Variants in RBFOX3 observed in about 807,000 individuals in gnomAD.
RBFOX3 encodes the protein RNA binding fox-1 homolog 3.
A neutral mutation model predicts 48.7 loss-of-function variants in RBFOX3; 17 were observed. The ratio of observed to expected loss-of-function variants is 0.35; its 90% confidence interval spans 0.24 to 0.52. The LOEUF (loss-of-function observed/expected upper bound fraction) is 0.52. Among genes scored for constraint, RBFOX3 ranks in the 20% least tolerant of loss-of-function variants. The pLI, the probability that RBFOX3 is intolerant of heterozygous loss-of-function variation, is 0.94. For synonymous variants in RBFOX3, 212 were observed against 209.5 expected (o/e 1.01, Z -0.10); for missense variants, 382 against 497.5 (o/e 0.77, Z 2.21).
chr17:79,230,708 T>A (rs1378058451), intron 4 of RBFOX3, among the ~76,000 whole-genome samples: 1 of 152,136 alleles, frequency 6.6e-6, no homozygotes, highest in East Asian at 1.9e-4. Context: ...CAAAGGTGCC[T>A]GTCTCTACAC....
At chr17:79,633,597 TG>T in the RBFOX3 span, among the ~76,000 whole-genome samples, 4 of 150,384 alleles carry the variant, frequency 2.7e-5, no homozygotes, top group African/African-American at 1.0e-4. Context: ...CTCCAGCGGC[TG>T]TTTTTTTTTT....
At chr17:79,550,006 C>A (rs1331604920) in intron 1 of RBFOX3, among the ~76,000 whole-genome samples, 1 of 152,216 alleles carries the variant, frequency 6.6e-6, no homozygotes, top group Non-Finnish European at 1.5e-5. Flanking sequence ...CCGTGCCGGG[C>A]ACCATCCAGA....
intron 1 of RBFOX3, among the ~76,000 whole-genome samples, chr17:79,493,420 C>T (rs1050681542): frequency 2.8e-4 from 42 of 152,276 alleles, no homozygotes; most frequent in African/African-American, 8.9e-4. Context: ...CACAGCAGGA[C>T]CCCGGCTTCC....
chr17:79,442,260 A>G (rs1267897360), intron 2 of RBFOX3, among the ~76,000 whole-genome samples: 222 of 3,842 alleles, frequency 0.058, 24 homozygotes, highest in East Asian at 0.094. Flanking sequence ...AGAGAGAGAG[A>G]GAGAGAGAGA....
intron 2 of RBFOX3, among the ~76,000 whole-genome samples, chr17:79,342,767 G>A (rs566034283): frequency 1.4e-4 from 21 of 152,286 alleles, no homozygotes; most frequent in African/African-American, 3.8e-4. Context: ...CAAAACAGGC[G>A]AAATGTGGCT....
intron 1 of RBFOX3, among the ~76,000 whole-genome samples, chr17:79,570,138 T>G (rs2144517814): frequency 6.7e-6 from 1 of 150,368 alleles, no homozygotes; most frequent in African/African-American, 2.5e-5. Context: ...GATGGATGAA[T>G]GGCAAATGGA....
chr17:79,511,234 G>A (rs1291342146), intron 1 of RBFOX3, among the ~76,000 whole-genome samples: 1 of 152,210 alleles, frequency 6.6e-6, no homozygotes, highest in African/African-American at 2.4e-5. Flanking sequence ...GGTGTTTGCA[G>A]GGTTGTGATG....
intron 1 of RBFOX3, among the ~76,000 whole-genome samples, chr17:79,486,347 C>T (rs35746290): frequency 0.66 from 99,393 of 151,706 alleles, 32,715 homozygotes; most frequent in South Asian, 0.73. Flanking sequence ...CCTCATTCTC[C>T]GACCTGTATT....
At chr17:79,489,868 C>T (rs2080239812) in intron 1 of RBFOX3, among the ~76,000 whole-genome samples, 1 of 152,182 alleles carries the variant, frequency 6.6e-6, no homozygotes, top group African/African-American at 2.4e-5. Flanking sequence ...CCCAATTCCT[C>T]CTCAGCCTCT....
intron 1 of RBFOX3, among the ~76,000 whole-genome samples, chr17:79,576,538 A>G (rs1292509599): frequency 1.3e-5 from 2 of 151,772 alleles, no homozygotes; most frequent in African/African-American, 2.4e-5. Context: ...GAGATCATGG[A>G]GAAGTTGGAG....
chr17:79,213,785 G>A (rs546802942), intron 4 of RBFOX3, among the ~76,000 whole-genome samples: 5 of 152,270 alleles, frequency 3.3e-5, no homozygotes, highest in Non-Finnish European at 5.9e-5. Flanking sequence ...TATAACTTTG[G>A]GAACATTTGT....
chr17:79,280,845 G>C (rs1055155041), intron 3 of RBFOX3, among the ~76,000 whole-genome samples: 1 of 150,878 alleles, frequency 6.6e-6, no homozygotes, highest in Non-Finnish European at 1.5e-5. Flanking sequence ...CCATTGTGGG[G>C]GGGGGGAGGG....
rs58793366 is a variant in RBFOX3, at chr17:79,392,743, T to G, written c.-174-84919A>C. Among the ~76,000 whole-genome samples the G allele has an allele frequency of 0.12, 18,326 of 152,082 alleles. 1,273 individuals carry two copies. Among genetic ancestry groups the G allele is most frequent in the East Asian group, 0.18 (952 of 5,170 alleles). On this transcript the variant is annotated intron_variant, in intron 2 of 14. Transcript: ENST00000693108. This position sits in a 1 kb window ranked among gnomAD's most constrained non-coding sequence, Gnocchi z 5.0. ...AGGGCAACAGCACAGCACAACACCC[T>G]CAGGAACCAAGATGCATATGAGCCA...
intron 2 of RBFOX3, among the ~76,000 whole-genome samples, chr17:79,359,975 C>T (rs113770323): frequency 6.6e-5 from 10 of 152,250 alleles, no homozygotes; most frequent in African/African-American, 2.4e-4. Flanking sequence ...ATACTCCTGC[C>T]TTGGCCTCTC....
rs920489359 is a variant in RBFOX3, at chr17:79,477,058, C to A, written c.-175+5396G>T. On this transcript the variant is annotated intron_variant, in intron 2 of 14. Coordinates refer to ENST00000693108, the MANE Select transcript of RBFOX3 (RefSeq NM_001350451.2). This position sits in a 1 kb window ranked among gnomAD's most constrained non-coding sequence, Gnocchi z 4.8. Reference sequence around the variant, plus strand: ...GACCAGCCTGGCCAACAGGGTGAAACCCCGTCTCTACTAAAAATACAAAAA... The same window carrying A: ...GACCAGCCTGGCCAACAGGGTGAAAACCCGTCTCTACTAAAAATACAAAAA... Among the ~76,000 whole-genome samples, 6 of 151,396 alleles carry A rather than the reference C, an allele frequency of 4.0e-5. No individual in the cohort carries two copies. The highest frequency in any genetic ancestry group is 6.6e-5 in the Admixed American group (1 of 15,226).
intron 2 of RBFOX3, among the ~76,000 whole-genome samples, chr17:79,433,079 T>C (rs1555729235): frequency 6.6e-6 from 1 of 152,222 alleles, no homozygotes; most frequent in Non-Finnish European, 1.5e-5. Flanking sequence ...GTTGGCAAGC[T>C]TGCCTGTGTC....
Position 79,103,330 on chromosome 17 carries a change from A to G in RBFOX3, c.415-76T>C. On this transcript the variant is annotated intron_variant, in intron 7 of 14. Coordinates refer to ENST00000693108, the MANE Select transcript of RBFOX3 (RefSeq NM_001350451.2). This position sits in a 1 kb window ranked among gnomAD's most constrained non-coding sequence, Gnocchi z 6.1. ...GAGAAAGAGGAGGAAGACGAGGAAG[A>G]AGAGGAGTGGGAGGGGGGCAGGGGA... The G allele has an allele frequency of 1.0e-6, 1 of 1,002,252 alleles. No individual in the cohort carries two copies. The highest frequency in any genetic ancestry group is 1.4e-5 in the South Asian group (1 of 72,256). The allele number at this position is 1,002,252 out of a possible 1,614,324, so 62.1% of individuals were successfully genotyped here.
At chr17:79,381,656 C>T (rs1270618333) in intron 2 of RBFOX3, among the ~76,000 whole-genome samples, 1 of 152,184 alleles carries the variant, frequency 6.6e-6, no homozygotes, top group East Asian at 1.9e-4. Flanking sequence ...TGTACGACTT[C>T]GATCTGTTAT....
rs983951435 is a variant in RBFOX3 at position 79,572,605 on chromosome 17, G to A, written c.-320+38221C>T. On this transcript the variant is annotated intron_variant, in intron 1 of 14. Coordinates refer to ENST00000693108, the MANE Select transcript of RBFOX3 (RefSeq NM_001350451.2). ...AGCCAAGCTGAAGGCAGTGGGAGCT[G>A]AGCCCTTTCCCCGGAGGTGGCCCCA... Among the ~76,000 whole-genome samples, 586 of 152,314 alleles carry A rather than the reference G, an allele frequency of 3.8e-3. 9 individuals are homozygous for A. Among genetic ancestry groups the A allele is most frequent in the African/African-American group, 0.014 (566 of 41,562 alleles).
Sources: allele counts gnomAD v4.1 joint callset (sites outside exome capture counted in the v4.1 genomes callset), GRCh38; gene constraint gnomAD v4.1.1; non-coding constraint Gnocchi (gnomAD v3.1); transcripts MANE v1.5; gene names NCBI Gene and HGNC (gene_info 2026-07-23, HGNC 2026-07-21).